HTN3: variants seen among roughly 807,000 people sequenced by gnomAD.
The protein encoded by HTN3 is histatin-3.
In HTN3, 15 loss-of-function variants were observed where a neutral mutation model predicts 10.6. The ratio of observed to expected loss-of-function variants is 1.42; its 90% CI spans 0.95 to 2.18. The LOEUF (loss-of-function observed/expected upper bound fraction) is 2.18. Ranked by LOEUF, HTN3 falls within the 30% of genes most tolerant of loss-of-function variation. The pLI, the probability that HTN3 is intolerant of heterozygous loss-of-function variation, is 0.00. For missense variants in HTN3, 68 were observed against 58.0 expected, an observed-to-expected ratio of 1.17 and a Z score of -0.56; for synonymous variants, 15 against 16.9, an observed-to-expected ratio of 0.89 and a Z score of 0.27.
chr4:70,031,031 C>A, intron 2 of HTN3: 1 of 356,796 alleles, frequency 2.8e-6, no homozygotes, highest in Non-Finnish European at 5.1e-6. Context: ...GAAAATTAAG[C>A]AAGCTTCATA....
At chr4:70,030,197 C>T (rs1725348173) in intron 1 of HTN3, among the ~76,000 whole-genome samples, 1 of 152,146 alleles carries the variant, frequency 6.6e-6, no homozygotes, top group African/African-American at 2.4e-5. Flanking sequence ...TCCCTTTACT[C>T]ATTCCATATA....
chr4:70,031,949 A>T, intron 2 of HTN3, 30 bp from the exon 3 acceptor site: 1 of 1,432,464 alleles, frequency 7.0e-7, no homozygotes. Flanking sequence ...TTAAGATATT[A>T]ATTATTTTCT....
At chr4:70,032,032 A>T (rs1326677091) in intron 3 of HTN3, 33 bp downstream of exon 3, 4 of 1,551,976 alleles carry the variant, frequency 2.6e-6, no homozygotes, top group Non-Finnish European at 3.5e-6. Flanking sequence ...AAAACTTGAT[A>T]ATTAATCATA....
At chr4:70,032,043 T>A in intron 3 of HTN3, 35 bp from the exon 4 acceptor site, 16 of 1,539,314 alleles carry the variant, frequency 1.0e-5, no homozygotes, top group Non-Finnish European at 1.4e-5. Flanking sequence ...ATTAATCATA[T>A]ATTGAATTTT....
intron 5 of HTN3, 38 bp downstream of exon 5, chr4:70,033,291 C>A: frequency 5.6e-6 from 5 of 900,158 alleles, no homozygotes; most frequent in African/African-American, 1.7e-5. Context: ...CTAGAAGTAT[C>A]AACACTGACA....
chr4:70,030,956 T>G, intron 2 of HTN3, 165 bp downstream of exon 2: 1 of 572,790 alleles, frequency 1.7e-6, no homozygotes, highest in South Asian at 2.0e-5. Flanking sequence ...TTAAAGGACT[T>G]AGAATAAATA....
chr4:70,035,115 TG>T (rs1725483520), intron 5 of HTN3, among the ~76,000 whole-genome samples: 1 of 152,124 alleles, frequency 6.6e-6, no homozygotes, highest in Non-Finnish European at 1.5e-5. Context: ...TGTATACCTA[TG>T]AAACAATCCT....
intron 2 of HTN3, 22 bp from the exon 3 acceptor site, chr4:70,031,957 T>C: frequency 2.7e-6 from 4 of 1,483,636 alleles, no homozygotes; most frequent in Non-Finnish European, 3.7e-6. Flanking sequence ...TTAATTATTT[T>C]CTCATTTTCT....
intron 5 of HTN3, 61 bp downstream of exon 5, chr4:70,033,314 A>C (rs1404138869): frequency 1.2e-5 from 9 of 777,394 alleles, no homozygotes; most frequent in Non-Finnish European, 1.9e-5. Flanking sequence ...TAAAACAAGG[A>C]AAAATTAAAA....
Position 70,036,356 on chromosome 4 carries a change from G to A in HTN3, c.*123G>A, listed in dbSNP as rs1320583291. 4 of 152,078 alleles carry A rather than the reference G, an allele frequency of 2.6e-5. No individual in the cohort carries two copies. The highest frequency in any genetic ancestry group is 1.9e-4 in the East Asian group (1 of 5,182). 9.4% of individuals were successfully genotyped at this position (152,078 alleles called of 1,614,324 possible). On this transcript the variant is annotated 3_prime_UTR_variant, in exon 6 of 6. Coordinates refer to ENST00000673563, the MANE Select transcript of HTN3 (RefSeq NM_000200.3). ...CTGCTTTTTGAAGAATTATCATAAG[G>A]CAATGCAGAATAAAAGAAATACCAT...
In HTN3 at chr4:70,036,004, T is replaced by C. The variant is rs1409957330; in HGVS notation, c.*34-263T>C. Among the ~76,000 whole-genome samples the C allele has an allele frequency of 2.0e-5, 3 of 151,124 alleles. No homozygotes were observed. In the East Asian group the frequency reaches 5.8e-4, roughly 29 times the overall value. On this transcript the variant is annotated intron_variant, in intron 5 of 5. Coordinates refer to ENST00000673563, the MANE Select transcript of HTN3 (RefSeq NM_000200.3). ...TGTAGGCTATATTTAAGTGAGAGAATAAAATAAGATGATGATGGAAAACCT... is the reference window on the plus strand; with the variant it reads ...TGTAGGCTATATTTAAGTGAGAGAACAAAATAAGATGATGATGGAAAACCT...
At chr4:70,029,475 T>C (rs1271842517) in intron 1 of HTN3, among the ~76,000 whole-genome samples, 2 of 152,052 alleles carry the variant, frequency 1.3e-5, no homozygotes, top group Non-Finnish European at 2.9e-5. Flanking sequence ...TAGGACATTT[T>C]TATTATAATT....
chr4:70,030,993 G>A (rs2109707222), intron 2 of HTN3: 1 of 430,654 alleles, frequency 2.3e-6, no homozygotes, highest in East Asian at 4.5e-5. Context: ...GAACACTCAA[G>A]TACAATTACT....
chr4:70,031,091 T>C (rs1005634951), intron 2 of HTN3: 15 of 238,098 alleles, frequency 6.3e-5, no homozygotes, highest in Admixed American at 1.7e-4. Flanking sequence ...TTAAAAGCTC[T>C]AGACCACCTG....
intron 1 of HTN3, 132 bp from the exon 2 acceptor site, chr4:70,030,596 A>G (rs1476603167): frequency 2.2e-5 from 15 of 667,948 alleles, no homozygotes; most frequent in Middle Eastern, 4.3e-4. Flanking sequence ...ATCTGTGCTC[A>G]TGCCCCTGCA....
chr4:70,035,214 C>A (rs192823047), intron 5 of HTN3, among the ~76,000 whole-genome samples: 4 of 152,176 alleles, frequency 2.6e-5, no homozygotes, highest in African/African-American at 9.7e-5. Flanking sequence ...CTTCTGTTTG[C>A]TACTGTTAAG....
At chr4:70,033,918 T>G (rs1386793580) in intron 5 of HTN3, 1 of 152,068 alleles carries the variant, frequency 6.6e-6, no homozygotes, top group Non-Finnish European at 1.5e-5. Context: ...GCTTGCTATC[T>G]GATCTACGAC....
At chr4:70,035,968 T>C (rs1291765429) in intron 5 of HTN3, among the ~76,000 whole-genome samples, 1 of 151,980 alleles carries the variant, frequency 6.6e-6, no homozygotes, top group Non-Finnish European at 1.5e-5. Context: ...TTGAGGGAGA[T>C]AGATGAAATG....
intron 1 of HTN3, among the ~76,000 whole-genome samples, chr4:70,030,523 A>T (rs373838986): frequency 6.6e-6 from 1 of 152,156 alleles, no homozygotes; most frequent in African/African-American, 2.4e-5. Context: ...TTCCACCTAC[A>T]AGTGGAACTA....
Sources: allele counts gnomAD v4.1 joint callset (sites outside exome capture counted in the v4.1 genomes callset), GRCh38; gene constraint gnomAD v4.1.1; transcripts MANE v1.5; gene names NCBI Gene and HGNC (gene_info 2026-07-23, HGNC 2026-07-21).